Variants in PDS5B observed in about 807,000 individuals in gnomAD.
The protein encoded by PDS5B is PDS5 cohesin associated factor B, also known as sister chromatid cohesion protein PDS5 homolog B.
Under a neutral mutation model 184.1 loss-of-function variants are expected in PDS5B, and 51 were observed. That is an observed-to-expected ratio of 0.28 (90% CI 0.22 to 0.35). PDS5B has a LOEUF of 0.35. PDS5B is among the 10% of genes least tolerant of loss of function. PDS5B has a pLI of 1.00. For synonymous variants in PDS5B, 566 were observed against 569.2 expected (o/e 0.99, Z 0.08); for missense variants, 1,180 against 1,723.3 (o/e 0.68, Z 5.58).
At chr13:32,590,875 G>C (rs2057763222) in intron 1 of PDS5B, among the ~76,000 whole-genome samples, 1 of 151,774 alleles carries the variant, frequency 6.6e-6, no homozygotes, top group African/African-American at 2.4e-5. Flanking sequence ...TTGCAGGGGT[G>C]AGAGTTGCAG....
At chr13:32,724,724 C>T (rs542035608) in intron 19 of PDS5B, among the ~76,000 whole-genome samples, 1 of 152,090 alleles carries the variant, frequency 6.6e-6, no homozygotes, top group Non-Finnish European at 1.5e-5. Context: ...GGACTACAGG[C>T]GCATGTCACC....
intron 3 of PDS5B, among the ~76,000 whole-genome samples, chr13:32,656,067 A>G (rs181048625): frequency 1.9e-3 from 291 of 152,242 alleles, no homozygotes; most frequent in Non-Finnish European, 3.5e-3. Context: ...TCCCAGCACC[A>G]TTTATTGAAT....
At chr13:32,591,019 A>AC (rs1464919363) in intron 1 of PDS5B, among the ~76,000 whole-genome samples, 3 of 152,004 alleles carry the variant, frequency 2.0e-5, no homozygotes, top group African/African-American at 7.2e-5. Context: ...TCCTCCCCCC[A>AC]CAGGTAATCC....
chr13:32,700,006 C>A, intron 16 of PDS5B, 137 bp downstream of exon 16: 3 of 744,250 alleles, frequency 4.0e-6, no homozygotes, highest in South Asian at 5.1e-5. Context: ...ACTATAATTT[C>A]TCTATAGAGA....
At chr13:32,710,676 A>C (rs939912914) in intron 19 of PDS5B, among the ~76,000 whole-genome samples, 8 of 152,182 alleles carry the variant, frequency 5.3e-5, no homozygotes, top group Non-Finnish European at 1.0e-4. Context: ...TTACTTCTCT[A>C]TGTATATCTC....
Position 32,590,639 on chromosome 13 carries a change from G to A in PDS5B, c.-20+4046G>A, listed in dbSNP as rs2057759809. 5.9e-5 allele frequency among the ~76,000 whole-genome samples: 9 copies of A among 152,284 alleles called. No individual in the cohort carries two copies. The South Asian group carries it at 1.9e-3, about 32-fold the overall frequency. On this transcript the variant is annotated intron_variant, in intron 1 of 34. Transcript: ENST00000315596. ...GATGGTTAGGGACCTGAAAAGAAAT[G>A]AGATTTTGTGTTTCCTTAGGTAAGA...
intron 13 of PDS5B, 98 bp downstream of exon 13, chr13:32,688,667 C>T: frequency 1.3e-6 from 1 of 777,446 alleles, no homozygotes; most frequent in Non-Finnish European, 2.3e-6. Context: ...AAAATGTAAT[C>T]TATGTAGTGT....
intron 3 of PDS5B, among the ~76,000 whole-genome samples, chr13:32,656,273 C>CCT (rs541933060): frequency 1.0e-5 from 1 of 96,788 alleles, no homozygotes; most frequent in Non-Finnish European, 2.0e-5. Context: ...TCTCCAGCTT[C>CCT]TTTTTTTTTT....
rs1306232078 is a variant in PDS5B at position 32,770,269 on chromosome 13, A to T, written c.3773A>T (p.Glu1258Val). 1 of 1,614,068 alleles carries T rather than the reference A, an allele frequency of 6.2e-7. No homozygotes were observed. Residue 1258 changes from glutamate to valine, a missense_variant, in exon 32 of 35, where the codon GAA becomes GTA. Glu to Val is a moderately radical substitution (Grantham distance 121). Around this residue, in one of 11 missense-constraint regions of PDS5B, gnomAD observed 465 missense variants for 497.8 expected, o/e 0.93. Coordinates refer to ENST00000315596, the MANE Select transcript of PDS5B (RefSeq NM_015032.4). Reference sequence around the variant, plus strand: ...CGGAAAAGAGGCCATACGGCTTCAGAATCTGATGAACAGCAGTGGCCTGAG... The same window carrying T: ...CGGAAAAGAGGCCATACGGCTTCAGTATCTGATGAACAGCAGTGGCCTGAG... ...RSRKRGHTAS[E>V]SDEQQWPEEK...
At chr13:32,652,276 G>A in intron 3 of PDS5B, 1 of 284,056 alleles carries the variant, frequency 3.5e-6, no homozygotes, top group South Asian at 7.6e-5. Context: ...TAATTTTGGG[G>A]GCAATTCCTT....
chr13:32,637,200 G>A (rs898746388), intron 1 of PDS5B, among the ~76,000 whole-genome samples: 18 of 119,144 alleles, frequency 1.5e-4, no homozygotes, highest in Admixed American at 9.1e-5. Context: ...GATTTATGTT[G>A]TGGTGAAGTA....
chr13:32,665,781 T>A (rs918171540), intron 6 of PDS5B, among the ~76,000 whole-genome samples: 1 of 151,976 alleles, frequency 6.6e-6, no homozygotes, highest in South Asian at 2.1e-4. Context: ...TGGATGAGTG[T>A]ATAAAGAAAT....
chr13:32,591,274 G>A (rs1257297200), intron 1 of PDS5B, among the ~76,000 whole-genome samples: 1 of 151,914 alleles, frequency 6.6e-6, no homozygotes, highest in Admixed American at 6.6e-5. Context: ...GACTACAGGC[G>A]TGTGCCACCA....
intron 1 of PDS5B, among the ~76,000 whole-genome samples, chr13:32,598,724 T>C (rs1297121878): frequency 2.0e-5 from 3 of 151,898 alleles, no homozygotes; most frequent in Non-Finnish European, 2.9e-5. Context: ...TTTTCAAGGA[T>C]ATTTTTGCTG....
At chr13:32,670,737 A>C (rs1219279231) in intron 7 of PDS5B, among the ~76,000 whole-genome samples, 1 of 152,132 alleles carries the variant, frequency 6.6e-6, no homozygotes, top group Non-Finnish European at 1.5e-5. Flanking sequence ...TATGGCAAAA[A>C]ATTATTTTGT....
intron 10 of PDS5B, among the ~76,000 whole-genome samples, chr13:32,683,589 G>A (rs921788897): frequency 1.3e-5 from 2 of 152,078 alleles, no homozygotes; most frequent in Non-Finnish European, 2.9e-5. Flanking sequence ...CAAAGTGCTG[G>A]GATTACAGGC....
chr13:32,698,637 T>C (rs1289618197), intron 15 of PDS5B, among the ~76,000 whole-genome samples: 1 of 152,228 alleles, frequency 6.6e-6, no homozygotes, highest in Non-Finnish European at 1.5e-5. Context: ...TTTAAATATC[T>C]CACCAAGACA....
At chr13:32,747,608 T>TG (rs1164727319) in intron 24 of PDS5B, among the ~76,000 whole-genome samples, 1 of 151,534 alleles carries the variant, frequency 6.6e-6, no homozygotes, top group Non-Finnish European at 1.5e-5. Context: ...AAAAAAAATT[T>TG]GGGGGGAGCC....
In PDS5B at chr13:32,696,881, T is replaced by C. The variant is rs755415004; in HGVS notation, c.1579T>C (p.Ser527Pro). ...AGATGCCAGTGTCAAGGCCATATTT[T>C]CAAAAGTGATGGTTATTACAAGTAA... ...KTDASVKAIF[S>P]KVMVITRNLP... Residue 527 changes from serine (S) to proline (P), a missense_variant, in exon 15 of 35, where the codon TCA becomes CCA. Ser to Pro is a moderately conservative substitution (Grantham distance 74). This residue lies in a region of PDS5B where 475 missense variants were observed against 691.5 expected (regional missense o/e 0.69). Coordinates refer to ENST00000315596, the MANE Select transcript of PDS5B (RefSeq NM_015032.4). 3.7e-5 allele frequency: 58 copies of C among 1,588,384 alleles called. 2 individuals carry two copies. Among genetic ancestry groups the C allele is most frequent in the African/African-American group, 1.3e-5 (1 of 74,088 alleles).
Sources: allele counts gnomAD v4.1 joint callset (sites outside exome capture counted in the v4.1 genomes callset), GRCh38; gene constraint gnomAD v4.1.1; regional missense constraint gnomAD v4.1.1; transcripts MANE v1.5; gene names NCBI Gene and HGNC (gene_info 2026-07-23, HGNC 2026-07-21).